PLD5: variants seen among roughly 807,000 people sequenced by gnomAD.
The protein encoded by PLD5 is phospholipase D family member 5, also known as inactive phospholipase D5.
Under a neutral mutation model 61.1 loss-of-function variants are expected in PLD5, and 36 were observed. The observed-to-expected ratio is 0.59, with a 90% CI of 0.45 to 0.78. The LOEUF is 0.78. Among genes scored for constraint, PLD5 ranks in the 30% least tolerant of loss-of-function variants. The pLI, the probability that PLD5 is intolerant of heterozygous loss-of-function variation, is 0.00. For missense variants in PLD5, 515 were observed against 644.4 expected (o/e 0.80, Z 2.17); for synonymous variants, 243 against 242.8 (o/e 1.00, Z -0.01).
At chr1:242,394,315 T>A (rs1482578276) in intron 1 of PLD5, among the ~76,000 whole-genome samples, 4 of 84,342 alleles carry the variant, frequency 4.7e-5, no homozygotes, top group East Asian at 5.9e-4. Context: ...TATATATGTG[T>A]GTATATATGA....
At chr1:242,522,410 A>T (rs1440483418) in intron 1 of PLD5, among the ~76,000 whole-genome samples, 1 of 152,212 alleles carries the variant, frequency 6.6e-6, no homozygotes, top group Non-Finnish European at 1.5e-5. Flanking sequence ...GATACTTTCA[A>T]TGAAAATCTA....
At chr1:242,374,400 T>C (rs2149249426) in intron 1 of PLD5, among the ~76,000 whole-genome samples, 1 of 152,172 alleles carries the variant, frequency 6.6e-6, no homozygotes, top group East Asian at 1.9e-4. Context: ...AAGGTTTTCT[T>C]GTGGCTCAGA....
chr1:242,470,915 C>T (rs1667431511), intron 1 of PLD5, among the ~76,000 whole-genome samples: 1 of 152,220 alleles, frequency 6.6e-6, no homozygotes, highest in Non-Finnish European at 1.5e-5. Context: ...AGGCGCTCCC[C>T]TTTGAGGTTA....
intron 2 of PLD5, among the ~76,000 whole-genome samples, chr1:242,331,991 C>G (rs1197745012): frequency 6.9e-6 from 1 of 145,776 alleles, no homozygotes; most frequent in African/African-American, 2.6e-5. Context: ...CACCCATCAA[C>G]CCGTCATCTA....
At chr1:242,245,415 C>A (rs1002028043) in intron 4 of PLD5, among the ~76,000 whole-genome samples, 6 of 152,210 alleles carry the variant, frequency 3.9e-5, no homozygotes, top group African/African-American at 1.4e-4. Flanking sequence ...TAGATTCATT[C>A]ATCAGCCTCT....
At chr1:242,462,575 C>CATT (rs1277342460) in intron 1 of PLD5, among the ~76,000 whole-genome samples, 4 of 149,688 alleles carry the variant, frequency 2.7e-5, no homozygotes, top group Non-Finnish European at 4.4e-5. Context: ...AAAATCTGCA[C>CATT]ATGGACCCCC....
intron 1 of PLD5, among the ~76,000 whole-genome samples, chr1:242,421,187 A>G (rs893816240): frequency 6.6e-6 from 1 of 151,848 alleles, no homozygotes; most frequent in African/African-American, 2.4e-5. Flanking sequence ...AAAAAAAAAA[A>G]AAAAAAAAAA....
At chr1:242,132,980 A>G (rs183847493) in intron 5 of PLD5, among the ~76,000 whole-genome samples, 1 of 152,198 alleles carries the variant, frequency 6.6e-6, no homozygotes, top group African/African-American at 2.4e-5. Context: ...CAAAAGGATC[A>G]GAGGCTATTC....
At chr1:242,310,059 CT>C (rs1030865660) in intron 2 of PLD5, among the ~76,000 whole-genome samples, 36 of 62,472 alleles carry the variant, frequency 5.8e-4, no homozygotes, top group African/African-American at 1.2e-3. Context: ...ACCAATTTTT[CT>C]TTTTTCCAGC....
chr1:242,169,877 T>C (rs779222527), intron 5 of PLD5, among the ~76,000 whole-genome samples: 10 of 152,094 alleles, frequency 6.6e-5, no homozygotes, highest in Non-Finnish European at 1.3e-4. Flanking sequence ...CAGACTGCCT[T>C]TCTAGATATC....
intron 6 of PLD5, among the ~76,000 whole-genome samples, chr1:242,120,103 T>C (rs1204242229): frequency 6.6e-6 from 1 of 152,164 alleles, no homozygotes; most frequent in Admixed American, 6.6e-5. Flanking sequence ...ATTCCATTTA[T>C]ATAAAATATC....
chr1:242,418,237 G>A (rs1250727507), intron 1 of PLD5, among the ~76,000 whole-genome samples: 2 of 152,146 alleles, frequency 1.3e-5, no homozygotes, highest in Non-Finnish European at 2.9e-5. Flanking sequence ...GCAACTGGAA[G>A]GATAGACTTC....
chr1:242,094,977 T>TCA (rs1483407979), intron 9 of PLD5, among the ~76,000 whole-genome samples: 2 of 147,202 alleles, frequency 1.4e-5, no homozygotes, highest in African/African-American at 5.0e-5. Context: ...CTCGCTCTGT[T>TCA]GCCCAGGCTG....
intron 1 of PLD5, among the ~76,000 whole-genome samples, chr1:242,441,087 G>A (rs1270229059): frequency 6.6e-6 from 1 of 152,118 alleles, no homozygotes; most frequent in African/African-American, 2.4e-5. Context: ...AAATTAAGTT[G>A]AAAAAATCAG....
At chr1:242,294,179 G>A (rs955822448) in intron 2 of PLD5, among the ~76,000 whole-genome samples, 4 of 152,116 alleles carry the variant, frequency 2.6e-5, no homozygotes, top group Non-Finnish European at 4.4e-5. Flanking sequence ...TGGATATATA[G>A]GAATGCAATA....
intron 2 of PLD5, among the ~76,000 whole-genome samples, chr1:242,333,701 C>T (rs764876436): frequency 2.6e-5 from 4 of 152,156 alleles, no homozygotes; most frequent in Non-Finnish European, 4.4e-5. Flanking sequence ...ACTGCATATC[C>T]TCATGAGATC....
chr1:242,276,278 G>A (rs1012499511), intron 3 of PLD5, among the ~76,000 whole-genome samples: 7 of 151,174 alleles, frequency 4.6e-5, no homozygotes, highest in African/African-American at 1.7e-4. Flanking sequence ...AAAGCTGAAG[G>A]TGAGCTTATG....
chr1:242,261,272 A>C (rs1574629203), intron 4 of PLD5, among the ~76,000 whole-genome samples: 1 of 152,244 alleles, frequency 6.6e-6, no homozygotes, highest in East Asian at 1.9e-4. Flanking sequence ...TGCAGTGAAG[A>C]AACTTTTTTA....
chr1:242,492,127 T>G (rs1048974254), intron 1 of PLD5, among the ~76,000 whole-genome samples: 2 of 152,176 alleles, frequency 1.3e-5, no homozygotes, highest in Non-Finnish European at 2.9e-5. Flanking sequence ...CTACTGTCAA[T>G]GAACACAGCC....
Sources: allele counts gnomAD v4.1 joint callset (sites outside exome capture counted in the v4.1 genomes callset), GRCh38; gene constraint gnomAD v4.1.1; transcripts MANE v1.5; gene names NCBI Gene and HGNC (gene_info 2026-07-23, HGNC 2026-07-21).